Variants in RICTOR observed in about 807,000 individuals in gnomAD.
RICTOR encodes rapamycin-insensitive companion of mTOR.
Under a neutral mutation model 214.9 loss-of-function variants are expected in RICTOR, and 49 were observed. The observed-to-expected ratio is 0.23, with a 90% confidence interval of 0.18 to 0.29. The LOEUF (loss-of-function observed/expected upper bound fraction) is 0.29, where lower values mean the gene tolerates loss of function less well. Ranked by LOEUF, RICTOR falls within the 10% of genes least tolerant of loss-of-function variation. The pLI is 1.00. For missense variants in RICTOR, 1,625 were observed against 2,047.0 expected, an observed-to-expected ratio of 0.79 and a Z score of 3.98; for synonymous variants, 717 against 711.3, an observed-to-expected ratio of 1.01 and a Z score of -0.13.
rs1018115597 is a variant in RICTOR at position 38,941,116 on chromosome 5, T to C, written c.*1188A>G. The stretch of plus-strand genomic sequence containing the variant: ...AAAAAGTTCCAAATACCTTTAGACA[T>C]ATACAAATTAAACAAACAAAAACCT... On this transcript the variant is annotated 3_prime_UTR_variant, in exon 38 of 38. Transcript: ENST00000357387. 4.3e-6 allele frequency: 1 copy of C among 232,874 alleles called. No homozygotes were observed. Among genetic ancestry groups the C allele is most frequent in the Non-Finnish European group, 8.5e-6 (1 of 117,590 alleles). The allele number at this position is 232,874 out of a possible 1,614,324, so 14.4% of individuals were successfully genotyped here. A position where few individuals can be genotyped will look rare whatever the true frequency, so the allele number is the denominator to read the frequency against.
chr5:39,050,003 CAA>C (rs1757738679), intron 2 of RICTOR, among the ~76,000 whole-genome samples: 1 of 152,038 alleles, frequency 6.6e-6, no homozygotes, highest in South Asian at 2.1e-4. Context: ...TGGAATTACT[CAA>C]AGACTTGAAA....
chr5:38,967,315 C>A (rs199791309), intron 13 of RICTOR, 22 bp downstream of exon 13: 36 of 1,600,708 alleles, frequency 2.2e-5, no homozygotes, highest in Non-Finnish European at 3.0e-5. Context: ...TAAATTGAAA[C>A]CCTTTTTATT....
At chr5:39,051,731 C>T (rs1334975754) in intron 2 of RICTOR, among the ~76,000 whole-genome samples, 2 of 150,276 alleles carry the variant, frequency 1.3e-5, no homozygotes, top group African/African-American at 4.9e-5. Flanking sequence ...CCAGCCTGGG[C>T]AACGGAGCCA....
At chr5:38,964,310 T>G (rs1314823419) in intron 16 of RICTOR, among the ~76,000 whole-genome samples, 1 of 151,928 alleles carries the variant, frequency 6.6e-6, no homozygotes, top group Non-Finnish European at 1.5e-5. Flanking sequence ...ATTTTGTTCG[T>G]AAATTCTATG....
intron 4 of RICTOR, among the ~76,000 whole-genome samples, chr5:39,003,205 C>G (rs889761842): frequency 5.9e-5 from 9 of 152,120 alleles, no homozygotes; most frequent in Admixed American, 3.3e-4. Flanking sequence ...CAAATCAAGT[C>G]TGTTGTAAGC....
At chr5:39,010,984 A>G (rs1380790678) in intron 3 of RICTOR, among the ~76,000 whole-genome samples, 5 of 152,226 alleles carry the variant, frequency 3.3e-5, no homozygotes, top group African/African-American at 1.2e-4. Context: ...AGAAATTTGC[A>G]TAAGTAACAA....
rs1748009137 is a variant in RICTOR, at chr5:38,944,940, T to G, written c.4762A>C (p.Ser1588Arg). Residue 1588 changes from serine to arginine, a missense_variant, in exon 35 of 38, where the codon AGC becomes CGC. Transcript: ENST00000357387. ...AGTAACAATTCTGTGCTTTTGGTGC[T>G]GCTAGCTGAGCCTTCTTGAGACACC... ...DGVSQEGSASSTKSTELLLGV... is the reference protein window; with the variant it reads ...DGVSQEGSASRTKSTELLLGV... 6.2e-7 allele frequency: 1 copy of G among 1,613,956 alleles called. No individual in the cohort carries two copies. The highest frequency in any genetic ancestry group is 1.3e-5 in the African/African-American group (1 of 74,922).
chr5:39,002,144 A>G (rs1411062893), intron 5 of RICTOR, among the ~76,000 whole-genome samples: 1 of 141,538 alleles, frequency 7.1e-6, no homozygotes, highest in Non-Finnish European at 1.5e-5. Flanking sequence ...ATTGTGGTCT[A>G]TTTATAAAAT....
chr5:38,975,730 C>G (rs1310479846), intron 9 of RICTOR, 126 bp from the exon 10 acceptor site: 12 of 561,638 alleles, frequency 2.1e-5, no homozygotes, highest in East Asian at 9.6e-5. Context: ...AAAATTAAAA[C>G]AAGACAAAGA....
rs1311599948 is a variant in RICTOR, at chr5:38,939,330, A to C, written c.*2974T>G. The C allele has an allele frequency of 4.3e-6, 1 of 232,460 alleles. No individual in the cohort carries two copies. Among genetic ancestry groups the C allele is most frequent in the East Asian group, 6.1e-5 (1 of 16,396 alleles). The allele number at this position is 232,460 out of a possible 1,614,324, so 14.4% of individuals were successfully genotyped here. On this transcript the variant is annotated 3_prime_UTR_variant, in exon 38 of 38. Transcript: ENST00000357387. ...CCATTAAAGTTGTCATTTCAAAAGG[A>C]CTTGTACACATTATGTTAATAATGT...
chr5:39,047,167 G>C (rs376674209), intron 2 of RICTOR, among the ~76,000 whole-genome samples: 26 of 152,298 alleles, frequency 1.7e-4, no homozygotes, highest in African/African-American at 6.0e-4. Flanking sequence ...GTATCACTGA[G>C]ACACTTTAGA....
At chr5:39,056,051 A>G (rs1758185099) in intron 2 of RICTOR, among the ~76,000 whole-genome samples, 1 of 152,194 alleles carries the variant, frequency 6.6e-6, no homozygotes, top group Non-Finnish European at 1.5e-5. Context: ...TAGAATAATG[A>G]GATAATTAGC....
rs1751746038 is a variant in RICTOR, at chr5:38,981,938, T to C, written c.682A>G (p.Ile228Val). The C allele has an allele frequency of 6.2e-7, 1 of 1,613,236 alleles. No individual in the cohort carries two copies. Among genetic ancestry groups the C allele is most frequent in the South Asian group, 1.1e-5 (1 of 91,058 alleles). ...TTAAGAAGGTGCAAAATTGTAGTAA[T>C]TAGGGCCTCATTTATTCGACTTAAT... Reference protein sequence around the residue: ...CQLSRINEALITTILHLLNHP... With the variant: ...CQLSRINEALVTTILHLLNHP... Residue 228 changes from isoleucine to valine, a missense_variant, in exon 8 of 38, where the codon ATT becomes GTT. Around this residue, in one of 5 missense-constraint regions of RICTOR, gnomAD observed 258 missense variants for 393.7 expected, o/e 0.66. Coordinates refer to ENST00000357387, the MANE Select transcript of RICTOR (RefSeq NM_152756.5).
At chr5:38,972,871 C>CA (rs34804901) in intron 10 of RICTOR, among the ~76,000 whole-genome samples, 1,741 of 66,140 alleles carry the variant, frequency 0.026, 32 homozygotes, top group African/African-American at 0.071. Context: ...AACAGAAGGG[C>CA]AAAAAAAAAA....
chr5:38,990,752 A>ATATC (rs1336882288), intron 7 of RICTOR, among the ~76,000 whole-genome samples, 197 bp downstream of exon 7: 9 of 52,606 alleles, frequency 1.7e-4, no homozygotes, highest in African/African-American at 4.8e-4. Context: ...TATGAGATAT[A>ATATC]TGATATATAT....
At position 39,061,619 on chromosome 5, in the gene RICTOR, G is replaced by C. The variant is rs371674841; in HGVS notation, c.97+12492C>G. Reference sequence around the variant, plus strand: ...TTTAAAGGTAATTACATTTTTTCTCGGTGGTACTTTTCCAATATAAAAACA... The same window carrying C: ...TTTAAAGGTAATTACATTTTTTCTCCGTGGTACTTTTCCAATATAAAAACA... On this transcript the variant is annotated intron_variant, in intron 2 of 37. Transcript: ENST00000357387. Among the ~76,000 whole-genome samples the C allele has an allele frequency of 5.7e-4, 87 of 151,530 alleles. 1 individual carries two copies. In the South Asian group the frequency reaches 0.017, roughly 30 times the overall value.
intron 2 of RICTOR, among the ~76,000 whole-genome samples, chr5:39,021,955 C>T (rs1172302336): frequency 5.3e-5 from 8 of 152,124 alleles, no homozygotes; most frequent in East Asian, 3.9e-4. Flanking sequence ...TGACTTAGAA[C>T]GGTTAGACCT....
intron 8 of RICTOR, among the ~76,000 whole-genome samples, chr5:38,979,774 G>A (rs984472130): frequency 6.6e-6 from 1 of 152,132 alleles, no homozygotes; most frequent in African/African-American, 2.4e-5. Context: ...GTATTATCTT[G>A]TTTGTTTTCT....
rs138291275 is a variant in RICTOR at position 38,942,084 on chromosome 5, G to T, written c.*220C>A. 9,426 of 383,488 alleles carry T rather than the reference G, an allele frequency of 0.025. 170 individuals are homozygous for T. The highest frequency in any genetic ancestry group is 0.031 in the Middle Eastern group (45 of 1,464). The allele number at this position is 383,488 out of a possible 1,614,324, so 23.8% of individuals were successfully genotyped here. On this transcript the variant is annotated 3_prime_UTR_variant, in exon 38 of 38. Coordinates refer to ENST00000357387, the MANE Select transcript of RICTOR (RefSeq NM_152756.5). ...CTGAAACTCTTAAAACTGTGGTAAT[G>T]AATCATGAACCCCTCAAAAGGCTCA...
Sources: gnomAD v4.1 joint callset for allele counts (sites outside exome capture counted in the v4.1 genomes callset) on GRCh38, gnomAD v4.1.1 for gene constraint, gnomAD v4.1.1 regional missense constraint, MANE v1.5 for transcripts, NCBI Gene and HGNC (gene_info 2026-07-23, HGNC 2026-07-21) for gene names.